CSMD1: variants seen among roughly 807,000 people sequenced by gnomAD.
CSMD1 encodes CUB and sushi domain-containing protein 1.
Under a neutral mutation model 417.5 loss-of-function variants are expected in CSMD1, and 213 were observed. That is an observed-to-expected ratio of 0.51 (90% CI 0.46 to 0.57). The LOEUF is 0.57. Ranked by LOEUF, CSMD1 falls within the 20% of genes least tolerant of loss-of-function variation. CSMD1 has a pLI of 0.00. For synonymous variants in CSMD1, 2,862 were observed against 1,736.8 expected (o/e 1.65, Z -16.11); for missense variants, 6,923 against 4,529.7 (o/e 1.53, Z -15.17).
intron 1 of CSMD1, among the ~76,000 whole-genome samples, chr8:4,887,177 T>C (rs1366604931): frequency 6.6e-6 from 1 of 152,106 alleles, no homozygotes; most frequent in Non-Finnish European, 1.5e-5. Context: ...GTTCAGTCAT[T>C]ATATGCCTTT....
intron 5 of CSMD1, among the ~76,000 whole-genome samples, chr8:3,857,595 A>G (rs1401317975): frequency 6.6e-6 from 1 of 151,946 alleles, no homozygotes; most frequent in African/African-American, 2.4e-5. Context: ...TGTAGACGTG[A>G]GGTTTGTGGT....
At chr8:4,299,529 G>C (rs1490911557) in intron 3 of CSMD1, among the ~76,000 whole-genome samples, 1 of 152,128 alleles carries the variant, frequency 6.6e-6, no homozygotes, top group African/African-American at 2.4e-5. Context: ...TGAGTATATT[G>C]CAAAGAAAAA....
At position 4,747,815 on chromosome 8, in the gene CSMD1, T is replaced by G. The variant is rs142353545; in HGVS notation, c.86-110257A>C. Among the ~76,000 whole-genome samples, 11 of 152,328 alleles carry G rather than the reference T, an allele frequency of 7.2e-5. No individual in the cohort carries two copies. The Middle Eastern group carries it at 0.02, about 283-fold the overall frequency. On this transcript the variant is annotated intron_variant, in intron 1 of 69. Transcript: ENST00000635120. ...AAAACATCGAAACCCAGCCAAAGCA[T>G]CATTTGTAAATGTCTCTATTCATCA...
chr8:4,911,155 C>A (rs1805645068), intron 1 of CSMD1, among the ~76,000 whole-genome samples: 1 of 152,184 alleles, frequency 6.6e-6, no homozygotes. Context: ...TTGGGTATGT[C>A]TTTATCAGCA....
chr8:4,675,105 G>T (rs1177708729), intron 1 of CSMD1, among the ~76,000 whole-genome samples: 1 of 152,078 alleles, frequency 6.6e-6, no homozygotes, highest in Non-Finnish European at 1.5e-5. Context: ...CCCAATCCAT[G>T]GTATTTTGTT....
chr8:3,045,419 A>AC (rs1279768330), intron 50 of CSMD1, among the ~76,000 whole-genome samples: 1 of 152,218 alleles, frequency 6.6e-6, no homozygotes, highest in Non-Finnish European at 1.5e-5. Context: ...AAGTGAAGCT[A>AC]CCTTAAGCCC....
chr8:4,987,884 GA>G (rs1368190161), intron 1 of CSMD1, among the ~76,000 whole-genome samples: 1 of 152,160 alleles, frequency 6.6e-6, no homozygotes, highest in East Asian at 1.9e-4. Context: ...TCACCTATTG[GA>G]CTCTTGGACT....
In CSMD1 at chr8:4,959,363, G is replaced by A. The variant is rs147373651; in HGVS notation, c.85+34969C>T. On this transcript the variant is annotated intron_variant, in intron 1 of 69. Transcript: ENST00000635120. The stretch of plus-strand genomic sequence containing the variant: ...CCTGGTGTTCCCCGCATGTCAGGTG[G>A]CAATCCCCAACCAGGCGCTCTCATT... Among the ~76,000 whole-genome samples the A allele has an allele frequency of 5.8e-3, 888 of 152,254 alleles. 5 individuals carry two copies. The highest frequency in any genetic ancestry group is 0.02 in the African/African-American group (840 of 41,550).
intron 1 of CSMD1, among the ~76,000 whole-genome samples, chr8:4,769,240 A>G (rs1281270817): frequency 1.3e-5 from 2 of 152,208 alleles, no homozygotes; most frequent in Non-Finnish European, 2.9e-5. Context: ...ATGCATATAA[A>G]ACACTGGAAA....
intron 1 of CSMD1, among the ~76,000 whole-genome samples, chr8:4,877,454 T>C (rs370703889): frequency 1.3e-5 from 2 of 152,064 alleles, no homozygotes; most frequent in African/African-American, 4.8e-5. Context: ...AAACACCAGA[T>C]GTTATAAAGT....
At chr8:3,765,847 G>C (rs921211278) in intron 5 of CSMD1, among the ~76,000 whole-genome samples, 1 of 152,220 alleles carries the variant, frequency 6.6e-6, no homozygotes, top group Non-Finnish European at 1.5e-5. Context: ...CACCATTGAG[G>C]AAGGAGAAAG....
At position 3,064,803 on chromosome 8, in the gene CSMD1, G is replaced by T. The variant is rs1247327200; in HGVS notation, c.7475-12156C>A. ...ATTATTTAGAAATAACCAGCATGAG[G>T]TTAAGCAAATTCCAACTTAAAATCT... On this transcript the variant is annotated intron_variant, in intron 49 of 69. Transcript: ENST00000635120. Among the ~76,000 whole-genome samples, 3 of 152,258 alleles carry T rather than the reference G, an allele frequency of 2.0e-5. No homozygotes were observed. The East Asian group carries it at 5.8e-4, about 29-fold the overall frequency.
intron 1 of CSMD1, among the ~76,000 whole-genome samples, chr8:4,907,717 C>T (rs921291844): frequency 2.5e-5 from 3 of 118,056 alleles, no homozygotes; most frequent in Non-Finnish European, 3.7e-5. Flanking sequence ...TGCCACTATC[C>T]CCGGCAATTT....
At chr8:4,129,470 G>T (rs564856126) in intron 3 of CSMD1, among the ~76,000 whole-genome samples, 1 of 152,114 alleles carries the variant, frequency 6.6e-6, no homozygotes, top group Admixed American at 6.5e-5. Context: ...TAAAAATTGT[G>T]AAGTTTTGTA....
At position 4,325,551 on chromosome 8, in the gene CSMD1, T is replaced by G. The variant is rs753479227; in HGVS notation, c.415+94402A>C. Among the ~76,000 whole-genome samples, 3 of 152,212 alleles carry G rather than the reference T, an allele frequency of 2.0e-5. No homozygotes were observed. The East Asian group carries it at 5.8e-4, about 29-fold the overall frequency. On this transcript the variant is annotated intron_variant, in intron 3 of 69. Transcript: ENST00000635120. Reference sequence around the variant, plus strand: ...TGAATATCCATGGCAACCAAAAGCATGCCTACCTTGTTAGCTTTTCCGGTG... The same window carrying G: ...TGAATATCCATGGCAACCAAAAGCAGGCCTACCTTGTTAGCTTTTCCGGTG...
chr8:3,775,162 T>C (rs899022620), intron 5 of CSMD1, among the ~76,000 whole-genome samples: 4 of 152,242 alleles, frequency 2.6e-5, no homozygotes, highest in African/African-American at 9.6e-5. Context: ...AACTACTGTA[T>C]TTCTTTATTT....
At chr8:4,325,137 A>G (rs1799487549) in intron 3 of CSMD1, among the ~76,000 whole-genome samples, 1 of 152,190 alleles carries the variant, frequency 6.6e-6, no homozygotes, top group African/African-American at 2.4e-5. Context: ...GCAATCATGA[A>G]TGCTGACAAG....
chr8:4,166,066 C>A (rs1335482814), intron 3 of CSMD1, among the ~76,000 whole-genome samples: 4 of 152,126 alleles, frequency 2.6e-5, no homozygotes, highest in African/African-American at 7.2e-5. Flanking sequence ...TAAGTGAATT[C>A]CCAATCTTGC....
At chr8:4,090,713 T>TAA (rs1800672510) in intron 3 of CSMD1, among the ~76,000 whole-genome samples, 1 of 152,198 alleles carries the variant, frequency 6.6e-6, no homozygotes, top group Non-Finnish European at 1.5e-5. Flanking sequence ...AGTGGAGTTT[T>TAA]AAATCAATTT....
Sources: allele counts gnomAD v4.1 joint callset (sites outside exome capture counted in the v4.1 genomes callset), GRCh38; gene constraint gnomAD v4.1.1; transcripts MANE v1.5; gene names NCBI Gene and HGNC (gene_info 2026-07-23, HGNC 2026-07-21).